The following KITLG variants were observed in gnomAD, a reference collection of about 807,000 sequenced individuals.
KITLG encodes the protein c-Kit ligand.
Under a neutral mutation model 34.1 loss-of-function variants are expected in KITLG, and 13 were observed. That is an observed-to-expected ratio of 0.38 (90% confidence interval 0.25 to 0.61). The LOEUF (loss-of-function observed/expected upper bound fraction) is 0.61, where lower values mean the gene tolerates loss of function less well. KITLG is among the 20% of genes least tolerant of loss of function. The pLI is 0.60. For missense variants in KITLG, 292 were observed against 318.9 expected (o/e 0.92, Z 0.64); for synonymous variants, 110 against 104.0 (o/e 1.06, Z -0.35).
intron 1 of KITLG, among the ~76,000 whole-genome samples, chr12:88,579,926 C>T (rs1432821778): frequency 6.6e-6 from 1 of 152,246 alleles, no homozygotes; most frequent in African/African-American, 2.4e-5. Flanking sequence ...TATGCAAAGA[C>T]ATGCCTTCCC....
At chr12:88,533,314 C>T (rs1870174259) in intron 2 of KITLG, among the ~76,000 whole-genome samples, 2 of 152,134 alleles carry the variant, frequency 1.3e-5, no homozygotes, top group African/African-American at 4.8e-5. Flanking sequence ...ATGTTGGTTC[C>T]TCTCATTTAT....
chr12:88,511,936 C>T (rs986569588), intron 6 of KITLG, among the ~76,000 whole-genome samples: 2 of 152,096 alleles, frequency 1.3e-5, no homozygotes, highest in Non-Finnish European at 2.9e-5. Context: ...AATTCAATAG[C>T]CTCTAAAGAA....
At chr12:88,538,613 T>TAC (rs1592573915) in intron 2 of KITLG, among the ~76,000 whole-genome samples, 1 of 152,054 alleles carries the variant, frequency 6.6e-6, no homozygotes, top group Non-Finnish European at 1.5e-5. Flanking sequence ...AATTTGAATA[T>TAC]ACATTAAATG....
At chr12:88,518,519 A>G (rs915223566) in intron 4 of KITLG, among the ~76,000 whole-genome samples, 178 bp downstream of exon 4, 3 of 152,224 alleles carry the variant, frequency 2.0e-5, no homozygotes, top group Non-Finnish European at 4.4e-5. Context: ...GCACTTCAGT[A>G]TTGCAGTATA....
intron 2 of KITLG, among the ~76,000 whole-genome samples, chr12:88,542,871 G>A (rs1492348): frequency 0.97 from 147,143 of 152,160 alleles, 71,182 homozygotes; most frequent in East Asian, 1. Context: ...ACATATTTTG[G>A]AGATTTGTAT....
chr12:88,498,221 C>T (rs769571590), intron 9 of KITLG, among the ~76,000 whole-genome samples: 11 of 152,154 alleles, frequency 7.2e-5, no homozygotes, highest in Non-Finnish European at 1.2e-4. Context: ...TGTTTATCAA[C>T]CCAGCATCAC....
intron 1 of KITLG, among the ~76,000 whole-genome samples, chr12:88,561,591 A>C (rs905464255): frequency 1.3e-5 from 2 of 152,212 alleles, no homozygotes; most frequent in Non-Finnish European, 2.9e-5. Flanking sequence ...TCTTCTGGGA[A>C]TATATAAAAC....
At chr12:88,506,277 C>T (rs896371759) in intron 8 of KITLG, 34 bp downstream of exon 8, 10 of 1,434,146 alleles carry the variant, frequency 7.0e-6, no homozygotes, top group Non-Finnish European at 9.8e-6. Context: ...CAATGTCATG[C>T]TTGATTGGGC....
At position 88,494,064 on chromosome 12, in the gene KITLG, C is replaced by G. The variant is rs925735628; in HGVS notation, c.*3155G>C. 2 of 151,704 alleles carry G rather than the reference C, an allele frequency of 1.3e-5. No homozygotes were observed. Among genetic ancestry groups the G allele is most frequent in the African/African-American group, 4.8e-5 (2 of 41,360 alleles). 9.4% of individuals were successfully genotyped at this position (151,704 alleles called of 1,614,324 possible). On this transcript the variant is annotated 3_prime_UTR_variant, in exon 10 of 10. Coordinates refer to ENST00000644744, the MANE Select transcript of KITLG (RefSeq NM_000899.5). ...CTTTGTCGGTCATATTGCAATAGGACTCACCCCTAAGGAGTGATCTCTGAG... is the reference window on the plus strand; with the variant it reads ...CTTTGTCGGTCATATTGCAATAGGAGTCACCCCTAAGGAGTGATCTCTGAG...
At chr12:88,512,918 T>A (rs1869328763) in intron 6 of KITLG, among the ~76,000 whole-genome samples, 1 of 151,724 alleles carries the variant, frequency 6.6e-6, no homozygotes, top group South Asian at 2.1e-4. Context: ...CTGAAGGAAA[T>A]TAATACCAAA....
At chr12:88,524,608 G>A (rs1009103016) in intron 3 of KITLG, among the ~76,000 whole-genome samples, 2 of 150,446 alleles carry the variant, frequency 1.3e-5, no homozygotes, top group East Asian at 3.9e-4. Context: ...TTTTTTTAGT[G>A]TTGCTACCAG....
chr12:88,544,958 G>A (rs1486357503), intron 2 of KITLG, among the ~76,000 whole-genome samples: 1 of 152,072 alleles, frequency 6.6e-6, no homozygotes, highest in Non-Finnish European at 1.5e-5. Flanking sequence ...CCGTTCTCTA[G>A]TCAGTATTTA....
chr12:88,525,702 T>C (rs759591578), intron 3 of KITLG, among the ~76,000 whole-genome samples: 6 of 152,154 alleles, frequency 3.9e-5, no homozygotes, highest in Non-Finnish European at 8.8e-5. Context: ...GTACCCAAGA[T>C]GAATAGCTTC....
rs1158934785 is a variant in KITLG, at chr12:88,494,290, T to C, written c.*2929A>G. 1.3e-5 allele frequency: 2 copies of C among 151,940 alleles called. No individual in the cohort carries two copies. Among genetic ancestry groups the C allele is most frequent in the Non-Finnish European group, 2.9e-5 (2 of 67,872 alleles). 9.4% of individuals were successfully genotyped at this position (151,940 alleles called of 1,614,324 possible). ...TGAAATTACATTTTGAAATGAAAACTTGGCTGCAGTAAAATATTTTTAAAA... is the reference window on the plus strand; with the variant it reads ...TGAAATTACATTTTGAAATGAAAACCTGGCTGCAGTAAAATATTTTTAAAA... On this transcript the variant is annotated 3_prime_UTR_variant, in exon 10 of 10. Coordinates refer to ENST00000644744, the MANE Select transcript of KITLG (RefSeq NM_000899.5).
chr12:88,512,017 A>G (rs1172119102), intron 6 of KITLG, among the ~76,000 whole-genome samples: 2 of 152,206 alleles, frequency 1.3e-5, no homozygotes, highest in Non-Finnish European at 2.9e-5. Flanking sequence ...AACAATCACT[A>G]ACCATTTAAA....
At chr12:88,578,171 C>T (rs1871893369) in intron 1 of KITLG, among the ~76,000 whole-genome samples, 1 of 152,134 alleles carries the variant, frequency 6.6e-6, no homozygotes, top group African/African-American at 2.4e-5. Context: ...CTAATCCCCT[C>T]CTCCATTTCT....
At chr12:88,572,576 AT>A (rs1871688290) in intron 1 of KITLG, among the ~76,000 whole-genome samples, 2 of 125,998 alleles carry the variant, frequency 1.6e-5, no homozygotes, top group Non-Finnish European at 3.3e-5. Flanking sequence ...TGTACATTAT[AT>A]ATATATTATA....
At chr12:88,520,386 A>G (rs1869615099) in intron 3 of KITLG, among the ~76,000 whole-genome samples, 1 of 152,200 alleles carries the variant, frequency 6.6e-6, no homozygotes, top group Non-Finnish European at 1.5e-5. Flanking sequence ...CCTATCAACA[A>G]TGAACAGATT....
intron 1 of KITLG, among the ~76,000 whole-genome samples, chr12:88,553,629 GC>G (rs1238262453): frequency 6.6e-6 from 1 of 152,002 alleles, no homozygotes. Flanking sequence ...TCAGAAACAT[GC>G]ATCAAAAGTG....
Sources: allele counts gnomAD v4.1 joint callset (sites outside exome capture counted in the v4.1 genomes callset), GRCh38; gene constraint gnomAD v4.1.1; transcripts MANE v1.5; gene names NCBI Gene and HGNC (gene_info 2026-07-23, HGNC 2026-07-21).